Variants in TRAF3IP1 observed in about 807,000 individuals in gnomAD.
TRAF3IP1 encodes the protein intraflagellar transport 54.
A neutral mutation model predicts 89.9 loss-of-function variants in TRAF3IP1; 53 were observed. The observed-to-expected ratio is 0.59, with a 90% confidence interval of 0.47 to 0.74. TRAF3IP1 has a LOEUF of 0.74. Among genes scored for constraint, TRAF3IP1 ranks in the 30% least tolerant of loss-of-function variants. The pLI, the probability that TRAF3IP1 is intolerant of heterozygous loss-of-function variation, is 0.00. For missense variants in TRAF3IP1, 806 were observed against 866.1 expected (o/e 0.93, Z 0.87); for synonymous variants, 311 against 322.1 (o/e 0.97, Z 0.37).
At chr2:238,364,543 A>G (rs1699795079) in intron 15 of TRAF3IP1, among the ~76,000 whole-genome samples, 2 of 152,072 alleles carry the variant, frequency 1.3e-5, no homozygotes, top group African/African-American at 4.8e-5. Flanking sequence ...AGTTTTGAAG[A>G]CTGTTCACTC....
At chr2:238,365,720 G>A (rs914809329) in intron 15 of TRAF3IP1, among the ~76,000 whole-genome samples, 2 of 151,866 alleles carry the variant, frequency 1.3e-5, no homozygotes, top group Non-Finnish European at 2.9e-5. Context: ...ATACTCTGTT[G>A]GTAAGACTTT....
At chr2:238,362,873 G>A (rs1699721459) in intron 15 of TRAF3IP1, among the ~76,000 whole-genome samples, 1 of 152,234 alleles carries the variant, frequency 6.6e-6, no homozygotes, top group African/African-American at 2.4e-5. Flanking sequence ...CGTCTCACAT[G>A]TGGGCCGCAC....
chr2:238,363,834 C>T (rs1699760956), intron 15 of TRAF3IP1, among the ~76,000 whole-genome samples: 2 of 152,054 alleles, frequency 1.3e-5, no homozygotes, highest in South Asian at 4.2e-4. Flanking sequence ...GTGGTGTGTG[C>T]CTGTAGTTTC....
chr2:238,338,386 C>T lies in TRAF3IP1; in HGVS notation c.1088C>T (p.Ala363Val). Residue 363 changes from alanine (A) to valine (V), a missense_variant, in exon 8 of 17, where the codon GCT (alanine) becomes GTT (valine). Physicochemically the swap from Ala to Val is moderately conservative, Grantham distance 64 (BLOSUM62 0). Around this residue, in one of 3 missense-constraint regions of TRAF3IP1, gnomAD observed 732 missense variants for 780.5 expected, o/e 0.94. Coordinates refer to ENST00000373327, the MANE Select transcript of TRAF3IP1 (RefSeq NM_015650.4). ...GGAAGGAAGGAGGATAATATTTCAG[C>T]TAAAAGTTTAGACTCCATAGTGTCT... ...VEGRKEDNIS[A>V]KSLDSIVSGI... The T allele has an allele frequency of 6.3e-7, 1 of 1,589,212 alleles. No homozygotes were observed. Among genetic ancestry groups the T allele is most frequent in the Non-Finnish European group, 8.6e-7 (1 of 1,167,346 alleles).
At chr2:238,390,279 C>G (rs1255437477) in intron 15 of TRAF3IP1, among the ~76,000 whole-genome samples, 3 of 152,172 alleles carry the variant, frequency 2.0e-5, no homozygotes, top group Non-Finnish European at 2.9e-5. Context: ...CTGCGATGTT[C>G]ACAGCAGACT....
In TRAF3IP1 at chr2:238,338,426, G is replaced by A. The variant is rs1294481443; in HGVS notation, c.1128G>A (p.Glu376=). Residue 376 remains glutamate, a synonymous_variant, in exon 8 of 17, where the codon GAG becomes GAA. Transcript: ENST00000373327. ...CCATAGTGTCTGGAATAAATAATGA[G>A]CCAAATCAGGAAACGACAACATCAG... The part of the protein sequence containing the change: ...LDSIVSGINN[E]PNQETTTSEI... The A allele has an allele frequency of 2.5e-6, 4 of 1,596,114 alleles. No homozygotes were observed. In the African/African-American group the frequency reaches 5.4e-5, roughly 22 times the overall value.
chr2:238,352,739 C>A, intron 12 of TRAF3IP1, 88 bp from the exon 13 acceptor site: 2 of 1,320,522 alleles, frequency 1.5e-6, no homozygotes, highest in Non-Finnish European at 2.1e-6. Context: ...TGATTAGATT[C>A]CTCTCTGCCG....
At chr2:238,354,712 G>A (rs955802310) in intron 14 of TRAF3IP1, among the ~76,000 whole-genome samples, 25 of 152,022 alleles carry the variant, frequency 1.6e-4, no homozygotes, top group African/African-American at 5.3e-4. Flanking sequence ...GTGCAGTGGC[G>A]CGATCTTGGC....
intron 9 of TRAF3IP1, among the ~76,000 whole-genome samples, chr2:238,346,127 C>T (rs1436341919): frequency 4.6e-5 from 7 of 152,094 alleles, no homozygotes; most frequent in East Asian, 1.9e-4. Context: ...CCAGGTCGCA[C>T]GAGGACTCTC....
At chr2:238,368,142 A>G (rs1699965938) in intron 15 of TRAF3IP1, among the ~76,000 whole-genome samples, 1 of 152,202 alleles carries the variant, frequency 6.6e-6, no homozygotes, top group Admixed American at 6.5e-5. Flanking sequence ...AGCAGCTTCC[A>G]GTGAAGAGCT....
chr2:238,392,661 C>T (rs1413625581), intron 15 of TRAF3IP1, among the ~76,000 whole-genome samples: 1 of 151,352 alleles, frequency 6.6e-6, no homozygotes, highest in African/African-American at 2.4e-5. Flanking sequence ...CAACCTCGCC[C>T]CCCCACCCGG....
intron 15 of TRAF3IP1, among the ~76,000 whole-genome samples, chr2:238,357,393 G>A (rs1204591280): frequency 7.2e-5 from 11 of 152,114 alleles, no homozygotes. Context: ...AGGGATGTGT[G>A]CACACATACG....
chr2:238,320,698 G>A lies in TRAF3IP1; in HGVS notation c.36G>A (p.Ala12=), dbSNP rs751112616. The A allele has an allele frequency of 2.1e-6, 3 of 1,432,390 alleles. No homozygotes were observed. The highest frequency in any genetic ancestry group is 2.7e-5 in the South Asian group (2 of 74,496). The allele number at this position is 1,432,390 out of a possible 1,614,324, so 88.7% of individuals were successfully genotyped here. A position where few individuals can be genotyped will look rare whatever the true frequency, so the allele number is the denominator to read the frequency against. ...NAAVVRRTQE[A]LGKVIRRPPL... ...CGGTGGTGAGGCGGACGCAGGAGGC[G>A]CTGGGGAAAGTGATTCGGAGGCCGC... Residue 12 remains alanine, a synonymous_variant, in exon 1 of 17, where the codon GCG becomes GCA. Coordinates refer to ENST00000373327, the MANE Select transcript of TRAF3IP1 (RefSeq NM_015650.4).
At chr2:238,329,470 C>T in intron 5 of TRAF3IP1, 128 bp downstream of exon 5, 1 of 855,350 alleles carries the variant, frequency 1.2e-6, no homozygotes, top group Non-Finnish European at 1.6e-6. Flanking sequence ...AAAATGATGA[C>T]AATCTTGGAT....
At chr2:238,346,796 C>T (rs1468653275) in intron 9 of TRAF3IP1, among the ~76,000 whole-genome samples, 2 of 152,200 alleles carry the variant, frequency 1.3e-5, no homozygotes, top group Non-Finnish European at 2.9e-5. Context: ...CAAATGCGTT[C>T]GTGCATCTTA....
chr2:238,388,399 G>A (rs1236773266), intron 15 of TRAF3IP1, among the ~76,000 whole-genome samples: 2 of 148,794 alleles, frequency 1.3e-5, no homozygotes, highest in Non-Finnish European at 3.0e-5. Context: ...AAAAGGATGT[G>A]TTTGCAGGCT....
At chr2:238,350,535 A>G (rs1287971960) in intron 12 of TRAF3IP1, among the ~76,000 whole-genome samples, 1 of 152,196 alleles carries the variant, frequency 6.6e-6, no homozygotes, top group Non-Finnish European at 1.5e-5. Flanking sequence ...AGACTGGAGC[A>G]GAGGTTTTCC....
chr2:238,396,848 T>C (rs926751820), intron 15 of TRAF3IP1, among the ~76,000 whole-genome samples: 5 of 152,140 alleles, frequency 3.3e-5, no homozygotes, highest in African/African-American at 4.8e-5. Flanking sequence ...CAGTCACGTC[T>C]AAGTCGACCT....
chr2:238,366,329 C>T (rs576531155), intron 15 of TRAF3IP1, among the ~76,000 whole-genome samples: 114 of 151,988 alleles, frequency 7.5e-4, no homozygotes, highest in South Asian at 6.2e-3. Flanking sequence ...GATTTGGAAG[C>T]CATTAAAATA....
Sources: gnomAD v4.1 joint callset for allele counts (sites outside exome capture counted in the v4.1 genomes callset) on GRCh38, gnomAD v4.1.1 for gene constraint, gnomAD v4.1.1 regional missense constraint, MANE v1.5 for transcripts, NCBI Gene and HGNC (gene_info 2026-07-23, HGNC 2026-07-21) for gene names.